PALLD: variants seen among roughly 807,000 people sequenced by gnomAD.
PALLD encodes the protein palladin.
Under a neutral mutation model 123.5 loss-of-function variants are expected in PALLD, and 61 were observed. The ratio of observed to expected loss-of-function variants is 0.49; its 90% CI spans 0.40 to 0.61. The LOEUF (loss-of-function observed/expected upper bound fraction) is 0.61. Ranked by LOEUF, PALLD falls within the 20% of genes least tolerant of loss-of-function variation. The probability of loss-of-function intolerance (pLI) is 0.00; values close to 1 mark genes in which losing one functional copy is unlikely to be tolerated. For missense variants in PALLD, 1,273 were observed against 1,377.0 expected (o/e 0.92, Z 1.20); for synonymous variants, 465 against 496.4 (o/e 0.94, Z 0.84).
chr4:168,760,452 C>T (rs889962732), intron 10 of PALLD, among the ~76,000 whole-genome samples: 5 of 152,070 alleles, frequency 3.3e-5, no homozygotes, highest in Non-Finnish European at 5.9e-5. Context: ...TTCATTTGCC[C>T]CCTCAAATCT....
chr4:168,498,827 G>A (rs956672732), intron 1 of PALLD, among the ~76,000 whole-genome samples: 1 of 152,148 alleles, frequency 6.6e-6, no homozygotes, highest in Non-Finnish European at 1.5e-5. Flanking sequence ...TAATTCAGAA[G>A]TAAAATCTAA....
At chr4:168,739,255 T>G (rs959543849) in intron 10 of PALLD, among the ~76,000 whole-genome samples, 1 of 152,252 alleles carries the variant, frequency 6.6e-6, no homozygotes, top group African/African-American at 2.4e-5. Flanking sequence ...TTTGATATAC[T>G]GATTCATTTT....
chr4:168,872,990 A>G (rs185708633), intron 10 of PALLD, among the ~76,000 whole-genome samples: 1 of 152,330 alleles, frequency 6.6e-6, no homozygotes, highest in Admixed American at 6.5e-5. Flanking sequence ...TGCATATGAT[A>G]CTGAGCTAAT....
Position 168,846,020 on chromosome 4 carries a change from G to A in PALLD, c.1965-44902G>A, listed in dbSNP as rs80199917. On this transcript the variant is annotated intron_variant, in intron 10 of 21. Transcript: ENST00000505667. Reference sequence around the variant, plus strand: ...TTGCAATAATCTGAGATGGCAAGTAGCTGTTCTAGGATACCTCTTTTTGCT... The same window carrying A: ...TTGCAATAATCTGAGATGGCAAGTAACTGTTCTAGGATACCTCTTTTTGCT... Among the ~76,000 whole-genome samples, 31 of 152,314 alleles carry A rather than the reference G, an allele frequency of 2.0e-4. No individual in the cohort carries two copies. The East Asian group carries it at 6.0e-3, about 29-fold the overall frequency.
At position 168,853,153 on chromosome 4, in the gene PALLD, T is replaced by C. The variant is rs934103225; in HGVS notation, c.1965-37769T>C. Among the ~76,000 whole-genome samples the C allele has an allele frequency of 2.0e-5, 3 of 152,256 alleles. 1 individual carries two copies. Among genetic ancestry groups the C allele is most frequent in the African/African-American group, 7.2e-5 (3 of 41,470 alleles). On this transcript the variant is annotated intron_variant, in intron 10 of 21. Coordinates refer to ENST00000505667, the MANE Select transcript of PALLD (RefSeq NM_001166108.2). ...GATAGCAACATCTGAGAGGACTTCATATATGAGCATCTCACAGAGTAACTT... is the reference window on the plus strand; with the variant it reads ...GATAGCAACATCTGAGAGGACTTCACATATGAGCATCTCACAGAGTAACTT...
At chr4:168,761,655 T>TGTTTGTTTG (rs1561493867) in intron 10 of PALLD, among the ~76,000 whole-genome samples, 1 of 39,616 alleles carries the variant, frequency 2.5e-5, no homozygotes, top group Non-Finnish European at 5.8e-5. Flanking sequence ...GTTTTTTTTT[T>TGTTTGTTTG]TTTTTTTTTT....
At chr4:168,775,631 CTA>C (rs1735077782) in intron 10 of PALLD, among the ~76,000 whole-genome samples, 1 of 152,112 alleles carries the variant, frequency 6.6e-6, no homozygotes, top group Non-Finnish European at 1.5e-5. Flanking sequence ...AGATTTTCTG[CTA>C]TGTTTTCTTC....
At chr4:168,853,464 C>A (rs370547411) in intron 10 of PALLD, among the ~76,000 whole-genome samples, 2 of 152,132 alleles carry the variant, frequency 1.3e-5, no homozygotes, top group East Asian at 3.9e-4. Context: ...GTAAGGAGTG[C>A]TGGTGTGGCA....
rs1314713154 is a variant in PALLD, at chr4:168,878,116, T to C, written c.1965-12806T>C. Reference sequence around the variant, plus strand: ...CGCCCTTCGCGCAGCCCTTCGGCGCTGAGCCCGAGGCCCCGTGGGGCTCCT... The same window carrying C: ...CGCCCTTCGCGCAGCCCTTCGGCGCCGAGCCCGAGGCCCCGTGGGGCTCCT... On this transcript the variant is annotated intron_variant, in intron 10 of 21. Transcript: ENST00000505667. The C allele has an allele frequency of 6.8e-7, 1 of 1,464,194 alleles. No homozygotes were observed. 90.7% of individuals were successfully genotyped at this position (1,464,194 alleles called of 1,614,324 possible).
At chr4:168,913,894 T>A (rs1245565406) in intron 15 of PALLD, 33 bp from the exon 16 acceptor site, 2 of 1,359,622 alleles carry the variant, frequency 1.5e-6, no homozygotes, top group Non-Finnish European at 2.1e-6. Flanking sequence ...TAGTTTTAAA[T>A]AGCAAATCAT....
intron 10 of PALLD, among the ~76,000 whole-genome samples, chr4:168,889,550 C>T (rs9993068): frequency 0.017 from 2,577 of 152,208 alleles, 59 homozygotes; most frequent in African/African-American, 0.043. Context: ...ACGTATACCT[C>T]AATAAAATGA....
At chr4:168,917,773 CAA>C (rs1292398984) in intron 17 of PALLD, among the ~76,000 whole-genome samples, 1 of 151,992 alleles carries the variant, frequency 6.6e-6, no homozygotes, top group Non-Finnish European at 1.5e-5. Context: ...TATAAATACA[CAA>C]ATTGTGTTTC....
At position 168,512,014 on chromosome 4, in the gene PALLD, C is replaced by T; in HGVS notation, c.510C>T (p.Asp170=). Residue 170 remains aspartate (D), a synonymous_variant, in exon 2 of 22, where the codon GAC becomes GAT. Coordinates refer to ENST00000505667, the MANE Select transcript of PALLD (RefSeq NM_001166108.2). ...RKGGPQSQLC[D]KAANLIEELT... ...GTGGCCCCCAGAGCCAGCTGTGTGA[C>T]AAGGCAGCTAATTTAATTGAGGAGC... The T allele has an allele frequency of 1.9e-6, 3 of 1,614,230 alleles. No homozygotes were observed. The highest frequency in any genetic ancestry group is 8.5e-7 in the Non-Finnish European group (1 of 1,180,038).
At chr4:168,820,257 T>G (rs1742531450) in intron 10 of PALLD, among the ~76,000 whole-genome samples, 1 of 152,246 alleles carries the variant, frequency 6.6e-6, no homozygotes, top group South Asian at 2.1e-4. Flanking sequence ...AAAGTCTCGT[T>G]GAATCCTTGC....
chr4:168,698,821 G>T (rs990504619), intron 8 of PALLD, among the ~76,000 whole-genome samples: 17 of 152,026 alleles, frequency 1.1e-4, no homozygotes, highest in Admixed American at 1.0e-3. Context: ...TTAAACTAAA[G>T]AATGCATTTT....
chr4:168,712,245 T>G, intron 10 of PALLD: 1 of 441,536 alleles, frequency 2.3e-6, no homozygotes, highest in Non-Finnish European at 4.2e-6. Flanking sequence ...GGGATCTACT[T>G]TCAGCCCTTT....
Position 168,565,065 on chromosome 4 carries a change from T to C in PALLD, c.908+52653T>C, listed in dbSNP as rs183971431. Among the ~76,000 whole-genome samples the C allele has an allele frequency of 5.5e-4, 83 of 149,864 alleles. 1 individual carries two copies. The East Asian group carries it at 0.013, about 23-fold the overall frequency. Reference sequence around the variant, plus strand: ...AAAATTCGCTGGGCATGGTGGCACATGCCTGTAGTCCCAGCTACTCAGGAG... The same window carrying C: ...AAAATTCGCTGGGCATGGTGGCACACGCCTGTAGTCCCAGCTACTCAGGAG... On this transcript the variant is annotated intron_variant, in intron 2 of 21. Transcript: ENST00000505667.
At chr4:168,724,078 A>G (rs912178349) in intron 10 of PALLD, among the ~76,000 whole-genome samples, 2 of 152,006 alleles carry the variant, frequency 1.3e-5, no homozygotes, top group African/African-American at 4.8e-5. Context: ...TATTTCTAGT[A>G]GAGACAGGGT....
chr4:168,579,578 AAAAT>A (rs1770017434), intron 2 of PALLD, among the ~76,000 whole-genome samples: 1 of 151,284 alleles, frequency 6.6e-6, no homozygotes, highest in South Asian at 2.1e-4. Context: ...CAATGTTCTT[AAAAT>A]AAATATTTAA....
Sources: allele counts gnomAD v4.1 joint callset (sites outside exome capture counted in the v4.1 genomes callset), GRCh38; gene constraint gnomAD v4.1.1; transcripts MANE v1.5; gene names NCBI Gene and HGNC (gene_info 2026-07-23, HGNC 2026-07-21).